Variants in CNOT8 observed in about 807,000 individuals in gnomAD.
CNOT8 encodes CAF1-like protein.
Under a neutral mutation model 34.6 loss-of-function variants are expected in CNOT8, and 18 were observed. The observed-to-expected ratio is 0.52, with a 90% CI of 0.36 to 0.77. The LOEUF is 0.77. Among genes scored for constraint, CNOT8 ranks in the 30% least tolerant of loss-of-function variants. The pLI, the probability that CNOT8 is intolerant of heterozygous loss-of-function variation, is 0.00. For synonymous variants in CNOT8, 101 were observed against 118.8 expected (o/e 0.85, Z 0.98); for missense variants, 189 against 347.9 (o/e 0.54, Z 3.63).
rs1762816385 is a variant in CNOT8, at chr5:154,875,008, C to T, written c.730-282C>T. The stretch of plus-strand genomic sequence containing the variant: ...CTTGGCCCACTGCACCCTCTGCCTC[C>T]TGGGCGCAAGTGATTCTTCCGCCTC... On this transcript the variant is annotated intron_variant, in intron 6 of 6. Coordinates refer to ENST00000285896, the MANE Select transcript of CNOT8 (RefSeq NM_001301073.2). Among the ~76,000 whole-genome samples the T allele has an allele frequency of 5.3e-5, 8 of 151,702 alleles. No homozygotes were observed. The South Asian group carries it at 1.7e-3, about 32-fold the overall frequency.
chr5:154,871,935 G>T, intron 5 of CNOT8, 61 bp downstream of exon 5: 2 of 1,475,732 alleles, frequency 1.4e-6, no homozygotes, highest in Non-Finnish European at 1.9e-6. Flanking sequence ...AGCTGACTTT[G>T]CTTTATTGTT....
At chr5:154,861,754 G>A (rs1043677253) in intron 1 of CNOT8, among the ~76,000 whole-genome samples, 8 of 152,168 alleles carry the variant, frequency 5.3e-5, no homozygotes, top group African/African-American at 1.7e-4. Flanking sequence ...GCTGGAGTGC[G>A]GTGGCGCGAT....
At position 154,863,098 on chromosome 5, in the gene CNOT8, A is replaced by G. The variant is rs1262723839; in HGVS notation, c.-72-109A>G. On this transcript the variant is annotated intron_variant, in intron 1 of 6. Transcript: ENST00000285896. ...AAAATGGAGAATAAATATAATCTTA[A>G]TGTTTTAAACTAATGAAGTGATTGT... 1.8e-5 allele frequency: 10 copies of G among 547,084 alleles called. No individual in the cohort carries two copies. In the Admixed American group the frequency reaches 2.5e-4, roughly 14 times the overall value. The allele number at this position is 547,084 out of a possible 1,614,324, so 33.9% of individuals were successfully genotyped here.
intron 2 of CNOT8, among the ~76,000 whole-genome samples, chr5:154,863,760 G>A (rs760454999): frequency 6.6e-6 from 1 of 152,164 alleles, no homozygotes; most frequent in Non-Finnish European, 1.5e-5. Flanking sequence ...GTAACCTCTA[G>A]TATCTTAGAT....
In CNOT8 at chr5:154,875,603, AT is replaced by A; in HGVS notation, c.*168del. On this transcript the variant is annotated 3_prime_UTR_variant, in exon 7 of 7. Transcript: ENST00000285896. ...TTTACTGAAGACAAAAGATGTTTTTATTTTAGACCCAGAAGAGAGGAGTTTG... is the reference window on the plus strand; with the variant it reads ...TTTACTGAAGACAAAAGATGTTTTTATTTAGACCCAGAAGAGAGGAGTTTG... 1.4e-6 allele frequency: 1 copy of A among 729,288 alleles called. No homozygotes were observed. The highest frequency in any genetic ancestry group is 2.1e-6 in the Non-Finnish European group (1 of 468,666). The allele number at this position is 729,288 out of a possible 1,614,324, so 45.2% of individuals were successfully genotyped here. A position where few individuals can be genotyped will look rare whatever the true frequency, so the allele number is the denominator to read the frequency against.
intron 3 of CNOT8, 26 bp downstream of exon 3, chr5:154,865,411 T>A: frequency 6.5e-7 from 1 of 1,536,530 alleles, no homozygotes; most frequent in Non-Finnish European, 8.8e-7. Flanking sequence ...ATAAATGCGT[T>A]AATTTTAAGT....
chr5:154,871,927 C>T lies in CNOT8; in HGVS notation c.618+53C>T, dbSNP rs1762516286. The T allele has an allele frequency of 2.0e-6, 3 of 1,524,506 alleles. No homozygotes were observed. The African/African-American group carries it at 4.1e-5, about 21-fold the overall frequency. 94.4% of individuals were successfully genotyped at this position (1,524,506 alleles called of 1,614,324 possible). ...AACAAAAAGAAGGACAGAAAAAAAG[C>T]TGACTTTGCTTTATTGTTACGTGTT... is the stretch of plus-strand genomic sequence containing the variant. On this transcript the variant is annotated intron_variant, in intron 5 of 6. Coordinates refer to ENST00000285896, the MANE Select transcript of CNOT8 (RefSeq NM_001301073.2).
intron 6 of CNOT8, among the ~76,000 whole-genome samples, chr5:154,874,062 T>C (rs565544880): frequency 6.6e-6 from 1 of 152,288 alleles, no homozygotes; most frequent in East Asian, 1.9e-4. Flanking sequence ...TAGGGAACTA[T>C]GGCTTAAAAG....
chr5:154,863,518 C>A, intron 2 of CNOT8, 123 bp downstream of exon 2: 1 of 734,520 alleles, frequency 1.4e-6, no homozygotes, highest in Non-Finnish European at 2.5e-6. Context: ...CAGCCTTGAA[C>A]TCCTGGGCTC....
At chr5:154,866,081 T>C (rs1275011214) in intron 3 of CNOT8, among the ~76,000 whole-genome samples, 1 of 152,218 alleles carries the variant, frequency 6.6e-6, no homozygotes. Context: ...TTTTGCTGAT[T>C]GCATAAAATG....
chr5:154,872,490 T>C (rs1762575868), intron 5 of CNOT8, 51 bp from the exon 6 acceptor site: 10 of 1,210,010 alleles, frequency 8.3e-6, no homozygotes, highest in Non-Finnish European at 1.1e-5. Context: ...TTGGCTCCAG[T>C]AGGGGCATGT....
In CNOT8 at chr5:154,858,685, C is replaced by A. The variant is rs763062947; in HGVS notation, c.-156C>A. On this transcript the variant is annotated 5_prime_UTR_variant, in exon 1 of 7. Transcript: ENST00000285896. ...AAAAGAGCTCCGGGCCAGGGGCTGC[C>A]GTCGCCGCCGTCGGGGAGTCAGCCC... The A allele has an allele frequency of 2.0e-5, 3 of 152,190 alleles. No individual in the cohort carries two copies. The highest frequency in any genetic ancestry group is 7.2e-5 in the African/African-American group (3 of 41,414). 9.4% of individuals were successfully genotyped at this position (152,190 alleles called of 1,614,324 possible).
intron 1 of CNOT8, among the ~76,000 whole-genome samples, chr5:154,860,143 A>C (rs572899760): frequency 3.3e-5 from 5 of 152,332 alleles, no homozygotes; most frequent in African/African-American, 1.2e-4. Flanking sequence ...TGTGTTGTGC[A>C]AATAAGCATA....
chr5:154,865,304 T>G lies in CNOT8; in HGVS notation c.230T>G (p.Leu77Arg). The change falls in exon 3 of 7, where the codon CTG becomes CGG. Residue 77 changes from leucine (L) to arginine (R), a missense_variant. Leu to Arg is a moderately radical substitution (Grantham distance 102, BLOSUM62 -2). Coordinates refer to ENST00000285896, the MANE Select transcript of CNOT8 (RefSeq NM_001301073.2). ...CNVDLLKIIQ[L>R]GLTFTNEKGE... Reference sequence around the variant, plus strand: ...GTTGACCTTTTAAAAATTATCCAGCTGGGCCTTACATTCACAAATGAGAAG... The same window carrying G: ...GTTGACCTTTTAAAAATTATCCAGCGGGGCCTTACATTCACAAATGAGAAG... 1 of 1,613,662 alleles carries G rather than the reference T, an allele frequency of 6.2e-7. No individual in the cohort carries two copies. The highest frequency in any genetic ancestry group is 8.5e-7 in the Non-Finnish European group (1 of 1,179,894).
chr5:154,870,493 A>G, intron 3 of CNOT8, 168 bp from the exon 4 acceptor site: 2 of 500,574 alleles, frequency 4.0e-6, no homozygotes, highest in Non-Finnish European at 7.0e-6. Context: ...CAGAAATATG[A>G]TCTACTTTGC....
chr5:154,875,552 T>C lies in CNOT8; in HGVS notation c.*113T>C, dbSNP rs559150921. The C allele has an allele frequency of 8.7e-7, 1 of 1,150,430 alleles. No individual in the cohort carries two copies. Among genetic ancestry groups the C allele is most frequent in the African/African-American group, 1.6e-5 (1 of 64,434 alleles). The allele number at this position is 1,150,430 out of a possible 1,614,324, so 71.3% of individuals were successfully genotyped here. ...TCTTTTGAGCACACTGTACCTACCA[T>C]CTGCATTGAGCAGAAAGACTTTTGT... On this transcript the variant is annotated 3_prime_UTR_variant, in exon 7 of 7. Coordinates refer to ENST00000285896, the MANE Select transcript of CNOT8 (RefSeq NM_001301073.2).
At chr5:154,867,516 T>C (rs1386441986) in intron 3 of CNOT8, among the ~76,000 whole-genome samples, 1 of 152,244 alleles carries the variant, frequency 6.6e-6, no homozygotes, top group Non-Finnish European at 1.5e-5. Context: ...CTAGTATTCA[T>C]TGTTTGAACC....
chr5:154,861,092 G>T (rs528109567), intron 1 of CNOT8, among the ~76,000 whole-genome samples: 2 of 152,272 alleles, frequency 1.3e-5, no homozygotes, highest in Admixed American at 1.3e-4. Context: ...CATTATATGG[G>T]TATAGAAAAT....
chr5:154,861,165 C>T (rs1010609856), intron 1 of CNOT8, among the ~76,000 whole-genome samples: 13 of 152,156 alleles, frequency 8.5e-5, no homozygotes, highest in African/African-American at 2.9e-4. Flanking sequence ...AATTCTGAGT[C>T]GAAACATTTT....
Sources: gnomAD v4.1 joint callset for allele counts (sites outside exome capture counted in the v4.1 genomes callset) on GRCh38, gnomAD v4.1.1 for gene constraint, MANE v1.5 for transcripts, NCBI Gene and HGNC (gene_info 2026-07-23, HGNC 2026-07-21) for gene names.